DST: variants seen among roughly 807,000 people sequenced by gnomAD.
DST encodes the protein dystonin, also known as bullous pemphigoid antigen.
Under a neutral mutation model 875.2 loss-of-function variants are expected in DST, and 253 were observed. The observed-to-expected ratio is 0.29, with a 90% CI of 0.26 to 0.32. The LOEUF is 0.32. Ranked by LOEUF, DST falls within the 10% of genes least tolerant of loss-of-function variation. The pLI is 1.00. For synonymous variants in DST, 3,124 were observed against 3,197.1 expected, an observed-to-expected ratio of 0.98 and a Z score of 0.77; for missense variants, 8,287 against 9,111.6, an observed-to-expected ratio of 0.91 and a Z score of 3.68.
chr6:56,670,852 T>C lies in DST; in HGVS notation c.1048-45A>G, dbSNP rs79812261. Reference sequence around the variant, plus strand: ...TTAAACCTTTAGGAAGGAAGGAAGCTAACTCAGATTAAGAACCTACTATGT... The same window carrying C: ...TTAAACCTTTAGGAAGGAAGGAAGCCAACTCAGATTAAGAACCTACTATGT... On this transcript the variant is annotated intron_variant, in intron 9 of 103. Transcript: ENST00000680361. 1.7e-3 allele frequency: 2,192 copies of C among 1,324,528 alleles called. 31 individuals carry two copies. In the African/African-American group the frequency reaches 0.028, roughly 17 times the overall value. The allele number at this position is 1,324,528 out of a possible 1,614,324, so 82.0% of individuals were successfully genotyped here. A position where few individuals can be genotyped will look rare whatever the true frequency, so the allele number is the denominator to read the frequency against.
intron 3 of DST, among the ~76,000 whole-genome samples, chr6:56,894,488 C>T: frequency 1.8e-5 from 1 of 56,908 alleles, no homozygotes; most frequent in Non-Finnish European, 3.1e-5. Context: ...GGGGCTGATC[C>T]CCCCACCTCC....
At chr6:56,631,418 C>G in intron 29 of DST, 29 bp from the exon 30 acceptor site, 3 of 1,597,760 alleles carry the variant, frequency 1.9e-6, no homozygotes, top group Non-Finnish European at 2.6e-6. Context: ...ACAAAGGTAT[C>G]AGGCCATCAC....
chr6:56,617,393 A>T, intron 36 of DST: 2 of 1,613,510 alleles, frequency 1.2e-6, no homozygotes, highest in Non-Finnish European at 1.7e-6. Flanking sequence ...TTCTGTATGC[A>T]TATCATACTG....
At chr6:56,644,509 A>T (rs541527880) in intron 15 of DST, among the ~76,000 whole-genome samples, 59 of 152,326 alleles carry the variant, frequency 3.9e-4, no homozygotes, top group Admixed American at 7.8e-4. Flanking sequence ...CGCAAGGGAC[A>T]GAAAAAAAAC....
chr6:56,539,281 A>G (rs2097076983), intron 61 of DST, among the ~76,000 whole-genome samples: 1 of 152,216 alleles, frequency 6.6e-6, no homozygotes, highest in South Asian at 2.1e-4. Context: ...GATAACTACT[A>G]AAGAGTATAT....
chr6:56,591,242 C>A (rs1033727267), intron 49 of DST, among the ~76,000 whole-genome samples: 1 of 152,176 alleles, frequency 6.6e-6, no homozygotes. Flanking sequence ...GACTGAGAAT[C>A]GCACTGTTAT....
At chr6:56,768,335 A>G (rs2099639648) in intron 4 of DST, among the ~76,000 whole-genome samples, 1 of 152,230 alleles carries the variant, frequency 6.6e-6, no homozygotes, top group South Asian at 2.1e-4. Context: ...TTTTGGCAAA[A>G]GAAAAGTCAA....
Position 56,472,124 on chromosome 6 carries a change from G to T in DST, c.22093C>A (p.Gln7365Lys). The change falls in exon 94 of 104, where the codon CAA (glutamine) becomes AAA (lysine). Residue 7365 changes from glutamine to lysine, a missense_variant. Coordinates refer to ENST00000680361, the MANE Select transcript of DST (RefSeq NM_001374736.1). ...RVNLLVSKWQQVWLLALERRR... is the reference protein window; with the variant it reads ...RVNLLVSKWQKVWLLALERRR... ...CTTTCCAACGCCAGGAGCCAGACTT[G>T]CTGCCATTTGCTCACCAGTAAGTTT... 1 of 1,613,898 alleles carries T rather than the reference G, an allele frequency of 6.2e-7. No homozygotes were observed. Among genetic ancestry groups the T allele is most frequent in the Non-Finnish European group, 8.5e-7 (1 of 1,179,832 alleles).
At chr6:56,781,921 T>C (rs962686676) in intron 4 of DST, among the ~76,000 whole-genome samples, 1 of 152,210 alleles carries the variant, frequency 6.6e-6, no homozygotes, top group Non-Finnish European at 1.5e-5. Flanking sequence ...TATTGACAGT[T>C]TTTAGCATGA....
intron 9 of DST, among the ~76,000 whole-genome samples, chr6:56,676,906 C>T (rs1460003868): frequency 1.3e-5 from 2 of 151,684 alleles, no homozygotes; most frequent in African/African-American, 4.8e-5. Flanking sequence ...GTGATTGGGG[C>T]GATATCGGTC....
chr6:56,843,598 G>C (rs1380260324), intron 4 of DST: 1 of 983,908 alleles, frequency 1.0e-6, no homozygotes, highest in Non-Finnish European at 1.2e-6. Flanking sequence ...GCAGCGGTGC[G>C]GGAGGACCGG....
chr6:56,649,942 TG>T (rs113261576), intron 12 of DST, among the ~76,000 whole-genome samples: 1,767 of 152,088 alleles, frequency 0.012, 44 homozygotes, highest in African/African-American at 0.039. Context: ...GCATGAAGGT[TG>T]GGAGAAGCAG....
intron 2 of DST, among the ~76,000 whole-genome samples, chr6:56,906,411 A>G (rs188841715): frequency 1.3e-5 from 2 of 152,290 alleles, no homozygotes; most frequent in East Asian, 3.9e-4. Context: ...TGCCTGCAGG[A>G]AAGAACTACC....
At chr6:56,928,828 A>T (rs535848275) in intron 2 of DST, among the ~76,000 whole-genome samples, 1 of 152,238 alleles carries the variant, frequency 6.6e-6, no homozygotes, top group African/African-American at 2.4e-5. Context: ...TTTAATCACA[A>T]CCAAAATAAA....
intron 36 of DST, chr6:56,617,070 G>A: frequency 6.2e-7 from 1 of 1,614,040 alleles, no homozygotes; most frequent in African/African-American, 1.3e-5. Flanking sequence ...GCTTTCGTCA[G>A]AAACTTGTTA....
Position 56,595,972 on chromosome 6 carries a change from CCTCT to C in DST, c.12195+1764_12195+1767del, listed in dbSNP as rs1368020703. ...ACGTTCCTGGCTCAGGTGCTTTGGC[CCTCT>C]CTCCATGCTGCCAGATTAGGACTTT... On this transcript the variant is annotated intron_variant, in intron 47 of 103. Transcript: ENST00000680361. Among the ~76,000 whole-genome samples, 6 of 151,796 alleles carry C rather than the reference CCTCT, an allele frequency of 4.0e-5. No homozygotes were observed. The East Asian group carries it at 9.7e-4, about 25-fold the overall frequency.
At chr6:56,488,931 T>A (rs902993784) in intron 86 of DST, among the ~76,000 whole-genome samples, 3 of 152,198 alleles carry the variant, frequency 2.0e-5, no homozygotes, top group Non-Finnish European at 4.4e-5. Flanking sequence ...AAAAACAATG[T>A]TTCTACATGC....
chr6:56,641,913 A>G (rs754918873), intron 17 of DST, 34 bp downstream of exon 17: 2 of 1,548,666 alleles, frequency 1.3e-6, no homozygotes, highest in Non-Finnish European at 8.7e-7. Context: ...GTTACACAAA[A>G]AAAGGACAGA....
At chr6:56,530,202 A>C in intron 64 of DST, 69 bp from the exon 65 acceptor site, 1 of 1,251,050 alleles carries the variant, frequency 8.0e-7, no homozygotes, top group Non-Finnish European at 1.1e-6. Flanking sequence ...ATCTTCAGTC[A>C]TGCTCTTGCA....
Sources: gnomAD v4.1 joint callset for allele counts (sites outside exome capture counted in the v4.1 genomes callset) on GRCh38, gnomAD v4.1.1 for gene constraint, MANE v1.5 for transcripts, NCBI Gene and HGNC (gene_info 2026-07-23, HGNC 2026-07-21) for gene names.